Variants in DACH2 observed in about 807,000 individuals in gnomAD.
DACH2 encodes the protein dachshund homolog 2.
In DACH2, 17 loss-of-function variants were observed where a neutral mutation model predicts 35.8. The ratio of observed to expected loss-of-function variants is 0.48; its 90% CI spans 0.33 to 0.71. DACH2 has a LOEUF of 0.71. DACH2 is among the 30% of genes least tolerant of loss of function. The pLI, the probability that DACH2 is intolerant of heterozygous loss-of-function variation, is 0.02. For synonymous variants in DACH2, 195 were observed against 177.3 expected (o/e 1.10, Z -0.79); for missense variants, 469 against 472.7 (o/e 0.99, Z 0.07).
At chrX:86,745,678 T>C (rs759659745) in intron 7 of DACH2, among the ~76,000 whole-genome samples, 6 of 111,273 alleles carry the variant, frequency 5.4e-5, no homozygotes, top group Non-Finnish European at 1.1e-4. Context: ...ACGTCTCTGC[T>C]CTTGTGAACA....
chrX:86,179,135 G>A (rs2031396557), intron 1 of DACH2, among the ~76,000 whole-genome samples: 1 of 111,583 alleles, frequency 9.0e-6, no homozygotes, highest in Non-Finnish European at 1.9e-5. Flanking sequence ...TCTGCAGATG[G>A]ACCGTTATTT....
At chrX:86,768,278 T>C (rs1167869669) in intron 7 of DACH2, among the ~76,000 whole-genome samples, 1 of 111,858 alleles carries the variant, frequency 8.9e-6, no homozygotes, top group Non-Finnish European at 1.9e-5. Context: ...CTCTTAAAAA[T>C]AGTATCATAT....
chrX:86,608,505 G>A (rs1015554895), intron 3 of DACH2, among the ~76,000 whole-genome samples: 1 of 111,973 alleles, frequency 8.9e-6, no homozygotes. Context: ...ATTACAGTCT[G>A]TGTTTTTCTG....
At chrX:86,756,862 G>C (rs1441975633) in intron 7 of DACH2, among the ~76,000 whole-genome samples, 3 of 111,498 alleles carry the variant, frequency 2.7e-5, no homozygotes, top group Non-Finnish European at 3.8e-5. Flanking sequence ...GATGTTAGTT[G>C]TGGGTTTGTC....
At chrX:86,456,851 G>A (rs1027775578) in intron 2 of DACH2, among the ~76,000 whole-genome samples, 20 of 110,541 alleles carry the variant, frequency 1.8e-4, no homozygotes, top group Admixed American at 4.8e-4. Context: ...AAATTGATAG[G>A]ATACATAATT....
chrX:86,214,502 G>T (rs1287228275), intron 1 of DACH2, among the ~76,000 whole-genome samples: 1 of 111,875 alleles, frequency 8.9e-6, no homozygotes, highest in African/African-American at 3.2e-5. Context: ...AAGTAAGTGT[G>T]GGTGAGTCAG....
intron 7 of DACH2, among the ~76,000 whole-genome samples, chrX:86,754,058 T>A (rs757238383): frequency 2.9e-4 from 32 of 111,561 alleles, no homozygotes; most frequent in Non-Finnish European, 4.9e-4. Flanking sequence ...ATTTTACACT[T>A]TATCTGAGCT....
intron 1 of DACH2, among the ~76,000 whole-genome samples, chrX:86,303,326 C>T (rs1225944924): frequency 9.1e-6 from 1 of 109,437 alleles, no homozygotes; most frequent in Non-Finnish European, 1.9e-5. Context: ...TGAAAGCAGA[C>T]ATTCTTTTTG....
At chrX:86,684,690 T>C (rs994343844) in intron 4 of DACH2, among the ~76,000 whole-genome samples, 1 of 110,656 alleles carries the variant, frequency 9.0e-6, no homozygotes, top group Non-Finnish European at 1.9e-5. Flanking sequence ...AAAATGAGTG[T>C]TGTAAATATA....
chrX:86,476,667 A>C (rs900766038), intron 2 of DACH2, among the ~76,000 whole-genome samples: 1 of 110,233 alleles, frequency 9.1e-6, no homozygotes, highest in Non-Finnish European at 1.9e-5. Flanking sequence ...TCTGACCTTT[A>C]TTGTTTATTT....
chrX:86,209,080 C>G (rs1168609980), intron 1 of DACH2, among the ~76,000 whole-genome samples: 1 of 111,930 alleles, frequency 8.9e-6, no homozygotes, highest in Non-Finnish European at 1.9e-5. Flanking sequence ...TTGGGCACAT[C>G]AGCTATGCTC....
intron 1 of DACH2, chrX:86,160,727 A>T: frequency 2.2e-6 from 1 of 463,540 alleles, no homozygotes; most frequent in African/African-American, 2.4e-5. Context: ...GCTTTATTTC[A>T]TTTCACTCGA....
chrX:86,580,354 G>A (rs2039487023), intron 3 of DACH2, among the ~76,000 whole-genome samples: 1 of 111,702 alleles, frequency 9.0e-6, no homozygotes, highest in African/African-American at 3.3e-5. Context: ...GACTGTACTA[G>A]TTCCTGAACT....
chrX:86,261,880 G>A (rs973238959), intron 1 of DACH2, among the ~76,000 whole-genome samples: 1 of 110,997 alleles, frequency 9.0e-6, no homozygotes. Flanking sequence ...AATTGAAGTA[G>A]GGTGAGTGAA....
intron 7 of DACH2, among the ~76,000 whole-genome samples, chrX:86,746,124 A>T (rs1175506824): frequency 8.9e-6 from 1 of 111,817 alleles, no homozygotes; most frequent in Non-Finnish European, 1.9e-5. Flanking sequence ...CATTGCATGG[A>T]TACATCATAT....
At chrX:86,609,055 C>A (rs1038564338) in intron 3 of DACH2, among the ~76,000 whole-genome samples, 10 of 111,679 alleles carry the variant, frequency 9.0e-5, no homozygotes, top group African/African-American at 3.3e-4. Flanking sequence ...TTTGAATAAA[C>A]TTTCTCCTTC....
chrX:86,555,439 T>C (rs777937061), intron 3 of DACH2, among the ~76,000 whole-genome samples: 1 of 111,455 alleles, frequency 9.0e-6, no homozygotes, highest in African/African-American at 3.2e-5. Flanking sequence ...GCAGCCACCA[T>C]TTGGAAAAAG....
At chrX:86,246,797 C>A (rs973014340) in intron 1 of DACH2, among the ~76,000 whole-genome samples, 1 of 111,431 alleles carries the variant, frequency 9.0e-6, no homozygotes, top group Non-Finnish European at 1.9e-5. Flanking sequence ...AACCAGATAA[C>A]AGTGTGATAG....
intron 2 of DACH2, among the ~76,000 whole-genome samples, chrX:86,431,354 A>G (rs187377128): frequency 1.8e-5 from 2 of 112,006 alleles, no homozygotes; most frequent in Admixed American, 1.9e-4. Flanking sequence ...TTAAAGAGGG[A>G]AAAAAGCAAA....
Sources: allele counts gnomAD v4.1 joint callset (sites outside exome capture counted in the v4.1 genomes callset), GRCh38; gene constraint gnomAD v4.1.1; transcripts MANE v1.5; gene names NCBI Gene and HGNC (gene_info 2026-07-23, HGNC 2026-07-21).